SMYD3: variants seen among roughly 807,000 people sequenced by gnomAD.
SMYD3 encodes SET and MYND domain containing 3.
A neutral mutation model predicts 57.7 loss-of-function variants in SMYD3; 36 were observed. The observed-to-expected ratio is 0.62, with a 90% confidence interval of 0.48 to 0.82. The LOEUF (loss-of-function observed/expected upper bound fraction) is 0.82, where lower values mean the gene tolerates loss of function less well. Ranked by LOEUF, SMYD3 falls within the 40% of genes least tolerant of loss-of-function variation. SMYD3 has a pLI of 0.00. For synonymous variants in SMYD3, 211 were observed against 195.0 expected, an observed-to-expected ratio of 1.08 and a Z score of -0.68; for missense variants, 515 against 538.8, an observed-to-expected ratio of 0.96 and a Z score of 0.44.
At chr1:245,972,408 G>C (rs2058324101) in intron 5 of SMYD3, among the ~76,000 whole-genome samples, 1 of 152,172 alleles carries the variant, frequency 6.6e-6, no homozygotes, top group Non-Finnish European at 1.5e-5. Context: ...AGATATAACA[G>C]AATTAGAATC....
chr1:245,907,390 A>G (rs1025078557), intron 8 of SMYD3, among the ~76,000 whole-genome samples: 3 of 152,208 alleles, frequency 2.0e-5, no homozygotes, highest in Admixed American at 2.0e-4. Flanking sequence ...ATTTAAAGTC[A>G]GAGAAAACCT....
At chr1:245,788,271 ATGG>A (rs1220234669) in intron 10 of SMYD3, among the ~76,000 whole-genome samples, 1 of 152,068 alleles carries the variant, frequency 6.6e-6, no homozygotes, top group East Asian at 1.9e-4. Context: ...GGCAAGAAGA[ATGG>A]TGACCAGATT....
intron 5 of SMYD3, among the ~76,000 whole-genome samples, chr1:246,207,262 C>A (rs1416598534): frequency 6.6e-6 from 1 of 152,010 alleles, no homozygotes; most frequent in Non-Finnish European, 1.5e-5. Context: ...TTACTCCTGT[C>A]TTTTAAATTC....
At chr1:246,411,752 G>A (rs2066973677) in intron 1 of SMYD3, among the ~76,000 whole-genome samples, 2 of 147,104 alleles carry the variant, frequency 1.4e-5, no homozygotes, top group South Asian at 2.2e-4. Flanking sequence ...GCATGTTCTC[G>A]CTCATAGGTG....
chr1:245,927,223 T>G (rs1208735337), intron 7 of SMYD3, among the ~76,000 whole-genome samples: 2 of 152,224 alleles, frequency 1.3e-5, no homozygotes, highest in Admixed American at 6.5e-5. Context: ...TGCAAACCAG[T>G]GCAAGCTTAG....
chr1:246,397,535 C>A (rs1017487452), intron 1 of SMYD3, among the ~76,000 whole-genome samples: 2 of 152,026 alleles, frequency 1.3e-5, no homozygotes, highest in African/African-American at 2.4e-5. Context: ...TGGAAAAAAA[C>A]AAATGTTTAT....
rs2047155606 is a variant in SMYD3 at position 245,788,922 on chromosome 1, C to G, written c.1077-24773G>C. 6 of 152,328 alleles carry G rather than the reference C, an allele frequency of 3.9e-5. No individual in the cohort carries two copies. The South Asian group carries it at 1.2e-3, about 32-fold the overall frequency. 9.4% of individuals were successfully genotyped at this position (152,328 alleles called of 1,614,324 possible). ...GCCAGTGTGCCACTGCTAATTATTA[C>G]TACACAGGCTTCAGAAACTGGGCCA... is the stretch of plus-strand genomic sequence containing the variant. On this transcript the variant is annotated intron_variant, in intron 10 of 11. Coordinates refer to ENST00000490107, the MANE Select transcript of SMYD3 (RefSeq NM_001167740.2).
intron 8 of SMYD3, among the ~76,000 whole-genome samples, chr1:245,913,502 A>C (rs117145071): frequency 0.17 from 25,357 of 151,486 alleles, 2,684 homozygotes; most frequent in East Asian, 0.5. Flanking sequence ...CCTAGAACTT[A>C]AACTATAATT....
chr1:246,375,567 C>T (rs1243856225), intron 1 of SMYD3, among the ~76,000 whole-genome samples: 1 of 151,982 alleles, frequency 6.6e-6, no homozygotes, highest in Non-Finnish European at 1.5e-5. Flanking sequence ...AAGAACACAG[C>T]GAAGATGTTC....
At chr1:246,083,330 T>G (rs1405435750) in intron 5 of SMYD3, among the ~76,000 whole-genome samples, 2 of 152,150 alleles carry the variant, frequency 1.3e-5, no homozygotes, top group African/African-American at 2.4e-5. Flanking sequence ...TGTTTATGTA[T>G]ATGCACATCA....
chr1:246,117,806 T>C (rs1437438320), intron 5 of SMYD3, among the ~76,000 whole-genome samples: 1 of 152,114 alleles, frequency 6.6e-6, no homozygotes, highest in African/African-American at 2.4e-5. Context: ...AGTAAAAACA[T>C]AACTACTTTA....
rs112320980 is a variant in SMYD3, at chr1:246,171,291, TTA to T, written c.531+155908_531+155909del. Among the ~76,000 whole-genome samples, 246 of 152,346 alleles carry T rather than the reference TTA, an allele frequency of 1.6e-3. 1 individual carries two copies. Among genetic ancestry groups the T allele is most frequent in the African/African-American group, 5.5e-3 (228 of 41,574 alleles). ...AATTGTTTTTTATCTTAAATTATTT[TTA>T]TATGACATTAATATAATCCCTCCTT... On this transcript the variant is annotated intron_variant, in intron 5 of 11. Coordinates refer to ENST00000490107, the MANE Select transcript of SMYD3 (RefSeq NM_001167740.2).
chr1:246,278,770 A>T (rs1291998874), intron 5 of SMYD3, among the ~76,000 whole-genome samples: 4 of 152,366 alleles, frequency 2.6e-5, no homozygotes, highest in African/African-American at 7.2e-5. Flanking sequence ...AAACCATACG[A>T]TTAAAAAATA....
intron 8 of SMYD3, among the ~76,000 whole-genome samples, chr1:245,871,752 G>T (rs12124226): frequency 0.59 from 89,231 of 151,890 alleles, 29,041 homozygotes; most frequent in Non-Finnish European, 0.75. Flanking sequence ...CTAAGGAGAT[G>T]CACCTTCTCA....
At chr1:246,071,046 C>T (rs2060433475) in intron 5 of SMYD3, among the ~76,000 whole-genome samples, 1 of 152,034 alleles carries the variant, frequency 6.6e-6, no homozygotes, top group Admixed American at 6.6e-5. Flanking sequence ...GAAGGGTTTC[C>T]TAAGAAGATT....
intron 5 of SMYD3, among the ~76,000 whole-genome samples, chr1:246,308,625 AGAGG>A (rs1182812741): frequency 3.3e-5 from 5 of 152,242 alleles, no homozygotes; most frequent in Non-Finnish European, 5.9e-5. Context: ...ATGATACTTA[AGAGG>A]AAGAATGGTT....
At chr1:245,808,866 G>A (rs1041279493) in intron 10 of SMYD3, among the ~76,000 whole-genome samples, 10 of 152,026 alleles carry the variant, frequency 6.6e-5, no homozygotes, top group East Asian at 3.8e-4. Context: ...GGGTTCAAGC[G>A]ATTCTCGTGC....
At chr1:246,402,272 T>C (rs2066782522) in intron 1 of SMYD3, among the ~76,000 whole-genome samples, 1 of 148,068 alleles carries the variant, frequency 6.8e-6, no homozygotes, top group Non-Finnish European at 1.5e-5. Flanking sequence ...TTATTAAACT[T>C]GCCAACTATT....
At chr1:245,846,867 A>G (rs1224775351) in intron 10 of SMYD3, among the ~76,000 whole-genome samples, 1 of 152,192 alleles carries the variant, frequency 6.6e-6, no homozygotes, top group Admixed American at 6.5e-5. Context: ...GCTATTTCCA[A>G]TTACAGGTGA....
Sources: allele counts gnomAD v4.1 joint callset (sites outside exome capture counted in the v4.1 genomes callset), GRCh38; gene constraint gnomAD v4.1.1; transcripts MANE v1.5; gene names NCBI Gene and HGNC (gene_info 2026-07-23, HGNC 2026-07-21).